The following ATP8A2 variants were observed in gnomAD, a reference collection of about 807,000 sequenced individuals.
ATP8A2 encodes the protein phospholipid-transporting ATPase IB.
A neutral mutation model predicts 165.6 loss-of-function variants in ATP8A2; 100 were observed. The observed-to-expected ratio is 0.60, with a 90% CI of 0.51 to 0.71. The LOEUF is 0.71. Ranked by LOEUF, ATP8A2 falls within the 30% of genes least tolerant of loss-of-function variation. The pLI, the probability that ATP8A2 is intolerant of heterozygous loss-of-function variation, is 0.00. For synonymous variants in ATP8A2, 543 were observed against 548.8 expected (o/e 0.99, Z 0.15); for missense variants, 1,227 against 1,479.5 (o/e 0.83, Z 2.80).
chr13:25,965,518 A>G (rs932498406), intron 34 of ATP8A2, among the ~76,000 whole-genome samples: 1 of 152,252 alleles, frequency 6.6e-6, no homozygotes, highest in Non-Finnish European at 1.5e-5. Flanking sequence ...GATTGATTAT[A>G]TGTGATACCT....
intron 1 of ATP8A2, among the ~76,000 whole-genome samples, chr13:25,444,335 C>G (rs1422385603): frequency 6.6e-6 from 1 of 152,038 alleles, no homozygotes; most frequent in East Asian, 1.9e-4. Flanking sequence ...TTTTTTTCTG[C>G]TAATGTGAAT....
At chr13:25,899,800 A>T (rs1953679602) in intron 33 of ATP8A2, among the ~76,000 whole-genome samples, 1 of 152,224 alleles carries the variant, frequency 6.6e-6, no homozygotes, top group Non-Finnish European at 1.5e-5. Flanking sequence ...TGCAGATGGG[A>T]TGGAGAGTCT....
At chr13:25,447,719 T>G (rs1039929875) in intron 1 of ATP8A2, among the ~76,000 whole-genome samples, 3 of 152,262 alleles carry the variant, frequency 2.0e-5, no homozygotes, top group African/African-American at 4.8e-5. Context: ...ACTCTGCCAT[T>G]TCAGTACATG....
chr13:25,423,166 C>T (rs2034348541), intron 1 of ATP8A2, among the ~76,000 whole-genome samples: 1 of 152,210 alleles, frequency 6.6e-6, no homozygotes. Context: ...TTGAGCTTCA[C>T]TTTCAGTGCT....
intron 33 of ATP8A2, among the ~76,000 whole-genome samples, chr13:25,864,314 T>G (rs575991650): frequency 5.3e-5 from 8 of 152,294 alleles, no homozygotes; most frequent in African/African-American, 1.7e-4. Flanking sequence ...TCCTGAGTCC[T>G]AAACAGAGAG....
intron 24 of ATP8A2, among the ~76,000 whole-genome samples, chr13:25,659,598 A>T (rs1379750678): frequency 2.0e-5 from 3 of 152,244 alleles, no homozygotes; most frequent in Non-Finnish European, 4.4e-5. Context: ...TGGGAAATCC[A>T]GTTCGGTAGG....
chr13:25,845,550 C>T (rs927234213), intron 30 of ATP8A2, among the ~76,000 whole-genome samples: 12 of 152,216 alleles, frequency 7.9e-5, no homozygotes, highest in South Asian at 2.1e-4. Context: ...GTACTAATTA[C>T]GCAACTGGGC....
intron 33 of ATP8A2, chr13:25,871,110 G>GTT: frequency 6.9e-4 from 137 of 199,168 alleles, no homozygotes; most frequent in South Asian, 1.5e-3. Flanking sequence ...TGATTGAGTG[G>GTT]TTTTTTTTTT....
chr13:25,799,209 A>G (rs1009238528), intron 27 of ATP8A2, among the ~76,000 whole-genome samples: 1 of 152,176 alleles, frequency 6.6e-6, no homozygotes, highest in Non-Finnish European at 1.5e-5. Flanking sequence ...TGGAGAAGGA[A>G]CTAGGATGAT....
chr13:25,774,758 T>G, intron 26 of ATP8A2, 91 bp from the exon 27 acceptor site: 1 of 727,092 alleles, frequency 1.4e-6, no homozygotes, highest in East Asian at 2.6e-5. Flanking sequence ...TCTACCTACA[T>G]TATCTGACTT....
intron 24 of ATP8A2, among the ~76,000 whole-genome samples, chr13:25,696,769 C>CT (rs2042842307): frequency 6.6e-6 from 1 of 152,160 alleles, no homozygotes; most frequent in Non-Finnish European, 1.5e-5. Context: ...GTTTTGCTTT[C>CT]TTATCATTTG....
intron 30 of ATP8A2, among the ~76,000 whole-genome samples, chr13:25,859,251 A>G (rs116620261): frequency 0.061 from 9,280 of 152,138 alleles, 480 homozygotes; most frequent in East Asian, 0.19. Context: ...AACACTACCC[A>G]TTGGGTACTA....
chr13:25,907,484 G>C (rs1337589739), intron 33 of ATP8A2, among the ~76,000 whole-genome samples: 1 of 152,170 alleles, frequency 6.6e-6, no homozygotes, highest in Non-Finnish European at 1.5e-5. Context: ...GATGACAGTG[G>C]TCTTAGACCT....
At chr13:25,888,295 C>T (rs1953230570) in intron 33 of ATP8A2, among the ~76,000 whole-genome samples, 1 of 152,128 alleles carries the variant, frequency 6.6e-6, no homozygotes, top group African/African-American at 2.4e-5. Context: ...CAAACAATAA[C>T]CTGATGTGAA....
Position 25,580,598 on chromosome 13 carries a change from G to T in ATP8A2, c.2007+651G>T, listed in dbSNP as rs554923046. 2.2e-4 allele frequency among the ~76,000 whole-genome samples: 34 copies of T among 152,232 alleles called. 1 individual carries two copies. In the South Asian group the frequency reaches 7.1e-3, roughly 32 times the overall value. On this transcript the variant is annotated intron_variant, in intron 22 of 36. Coordinates refer to ENST00000381655, the MANE Select transcript of ATP8A2 (RefSeq NM_016529.6). ...ACCCAGGCTAGAATGTAATGGTGCA[G>T]CCATAGGTCACTGCAGCCTCAAACT...
At chr13:25,960,380 C>A (rs931698152) in intron 33 of ATP8A2, among the ~76,000 whole-genome samples, 3 of 152,134 alleles carry the variant, frequency 2.0e-5, no homozygotes, top group African/African-American at 7.2e-5. Flanking sequence ...GTCTTAGACC[C>A]TCCCAGTCCC....
intron 1 of ATP8A2, among the ~76,000 whole-genome samples, chr13:25,444,930 A>C (rs1399660212): frequency 6.6e-6 from 1 of 152,040 alleles, no homozygotes; most frequent in Non-Finnish European, 1.5e-5. Flanking sequence ...GAGCCACCAC[A>C]CCCGGCCCCG....
rs1413118293 is a variant in ATP8A2, at chr13:25,912,189, CACACACAG to C, written c.3184-49385_3184-49378del. Among the ~76,000 whole-genome samples the C allele has an allele frequency of 2.5e-3, 333 of 131,134 alleles. 4 individuals carry two copies. In the East Asian group the frequency reaches 0.032, roughly 13 times the overall value. 86.0% of individuals were successfully genotyped at this position (131,134 alleles called of 152,430 possible). A position where few individuals can be genotyped will look rare whatever the true frequency, so the allele number is the denominator to read the frequency against. On this transcript the variant is annotated intron_variant, in intron 33 of 36. Coordinates refer to ENST00000381655, the MANE Select transcript of ATP8A2 (RefSeq NM_016529.6). ...ACACACACACACACACACACACACA[CACACACAG>C]TGGAATAGTCTTCAGCCTTAAAAAA... is the stretch of plus-strand genomic sequence containing the variant.
chr13:25,571,809 G>C, intron 18 of ATP8A2, 117 bp downstream of exon 18: 1 of 915,580 alleles, frequency 1.1e-6, no homozygotes, highest in Non-Finnish European at 1.8e-6. Flanking sequence ...GAAAAATTAA[G>C]ACCTGTGACA....
Sources: allele counts gnomAD v4.1 joint callset (sites outside exome capture counted in the v4.1 genomes callset), GRCh38; gene constraint gnomAD v4.1.1; transcripts MANE v1.5; gene names NCBI Gene and HGNC (gene_info 2026-07-23, HGNC 2026-07-21).